RAPGEF2: variants seen among roughly 807,000 people sequenced by gnomAD.
The protein encoded by RAPGEF2 is Rap guanine nucleotide exchange factor 2, also known as PDZ domain containing guanine nucleotide exchange factor (GEF) 1.
In RAPGEF2, 54 loss-of-function variants were observed where a neutral mutation model predicts 186.7. The ratio of observed to expected loss-of-function variants is 0.29; its 90% CI spans 0.23 to 0.36. The LOEUF (loss-of-function observed/expected upper bound fraction) is 0.36. Among genes scored for constraint, RAPGEF2 ranks in the 10% least tolerant of loss-of-function variants. RAPGEF2 has a pLI of 1.00. For missense variants in RAPGEF2, 1,532 were observed against 2,045.0 expected (o/e 0.75, Z 4.84); for synonymous variants, 712 against 705.9 (o/e 1.01, Z -0.14).
intron 8 of RAPGEF2, among the ~76,000 whole-genome samples, chr4:159,311,684 A>G (rs1312102104): frequency 2.0e-5 from 3 of 152,188 alleles, no homozygotes; most frequent in Non-Finnish European, 4.4e-5. Flanking sequence ...CACACAGTAA[A>G]TACTACATTC....
intron 3 of RAPGEF2, among the ~76,000 whole-genome samples, chr4:159,203,736 C>A (rs1441761646): frequency 6.6e-6 from 1 of 152,106 alleles, no homozygotes; most frequent in African/African-American, 2.4e-5. Context: ...TAGGTTGGTC[C>A]TTTCAGAGAC....
intron 1 of RAPGEF2, among the ~76,000 whole-genome samples, chr4:159,164,384 TTGAA>T (rs1454286599): frequency 1.3e-5 from 2 of 151,792 alleles, no homozygotes; most frequent in African/African-American, 2.4e-5. Context: ...AAGAACAAAT[TTGAA>T]TGAATGAGAG....
At chr4:159,160,839 C>T (rs1744636587) in intron 1 of RAPGEF2, among the ~76,000 whole-genome samples, 1 of 152,070 alleles carries the variant, frequency 6.6e-6, no homozygotes, top group African/African-American at 2.4e-5. Flanking sequence ...AGGAAATCAT[C>T]TTAAAGTGGA....
At chr4:159,296,115 A>G (rs1168850361) in intron 7 of RAPGEF2, among the ~76,000 whole-genome samples, 1 of 152,206 alleles carries the variant, frequency 6.6e-6, no homozygotes, top group East Asian at 1.9e-4. Context: ...AACCTTGTAA[A>G]GATTAATTTA....
intron 7 of RAPGEF2, chr4:159,268,108 A>C: frequency 6.3e-7 from 1 of 1,597,260 alleles, no homozygotes; most frequent in Non-Finnish European, 8.5e-7. Context: ...CCATCGTGAG[A>C]GATTGGTACA....
intron 4 of RAPGEF2, 92 bp downstream of exon 4, chr4:159,210,675 C>A: frequency 1.1e-6 from 1 of 931,842 alleles, no homozygotes; most frequent in South Asian, 1.6e-5. Flanking sequence ...TTCCTGTGTT[C>A]TCTTCTGCTG....
At chr4:159,188,093 A>C (rs1459163163) in intron 2 of RAPGEF2, among the ~76,000 whole-genome samples, 1 of 152,200 alleles carries the variant, frequency 6.6e-6, no homozygotes, top group Non-Finnish European at 1.5e-5. Flanking sequence ...GAGCAAGAAT[A>C]ATTTTTAAAG....
rs1217726913 is a variant in RAPGEF2, at chr4:159,175,660, G to T, written c.70-10982G>T. Reference sequence around the variant, plus strand: ...CCCCCATCTCTGTGTTGACTCACTTGCGAGACCGGCGACTGCTTTTGGGTT... The same window carrying T: ...CCCCCATCTCTGTGTTGACTCACTTTCGAGACCGGCGACTGCTTTTGGGTT... On this transcript the variant is annotated intron_variant, in intron 1 of 29. Coordinates refer to ENST00000691494, the MANE Select transcript of RAPGEF2 (RefSeq NM_001394067.2). 2.6e-5 allele frequency among the ~76,000 whole-genome samples: 4 copies of T among 152,268 alleles called. No homozygotes were observed. The East Asian group carries it at 7.7e-4, about 29-fold the overall frequency.
At chr4:159,165,653 C>A (rs190081285) in intron 1 of RAPGEF2, among the ~76,000 whole-genome samples, 1 of 152,032 alleles carries the variant, frequency 6.6e-6, no homozygotes, top group African/African-American at 2.4e-5. Context: ...GGTCTCAATC[C>A]GTTGACCAGG....
In RAPGEF2 at chr4:159,351,094, G is replaced by A. The variant is rs961741583; in HGVS notation, c.3865+805G>A. 1.4e-5 allele frequency: 22 copies of A among 1,534,412 alleles called. No individual in the cohort carries two copies. In the African/African-American group the frequency reaches 1.5e-4, roughly 11 times the overall value. On this transcript the variant is annotated intron_variant, in intron 26 of 29. Coordinates refer to ENST00000691494, the MANE Select transcript of RAPGEF2 (RefSeq NM_001394067.2). ...CAATCAGCTGAGATCTTTTGGCTCCGGGCAGTTGGACTTAACCAGTTCCTC... is the reference window on the plus strand; with the variant it reads ...CAATCAGCTGAGATCTTTTGGCTCCAGGCAGTTGGACTTAACCAGTTCCTC...
At chr4:159,147,892 A>G (rs1743113960) in intron 1 of RAPGEF2, among the ~76,000 whole-genome samples, 2 of 152,238 alleles carry the variant, frequency 1.3e-5, no homozygotes, top group South Asian at 2.1e-4. Flanking sequence ...AAAAGCAAAG[A>G]AAGAGTTTTT....
At chr4:159,132,102 T>G (rs1741176785) in intron 1 of RAPGEF2, among the ~76,000 whole-genome samples, 1 of 152,224 alleles carries the variant, frequency 6.6e-6, no homozygotes, top group African/African-American at 2.4e-5. Context: ...ACTTTGTTAT[T>G]GGACCACACT....
At chr4:159,174,061 G>A (rs1746195455) in intron 1 of RAPGEF2, among the ~76,000 whole-genome samples, 1 of 152,198 alleles carries the variant, frequency 6.6e-6, no homozygotes, top group African/African-American at 2.4e-5. Context: ...ATTGCGAACT[G>A]ATTTTGGACA....
chr4:159,179,750 C>T (rs552501943), intron 1 of RAPGEF2, among the ~76,000 whole-genome samples: 1 of 152,224 alleles, frequency 6.6e-6, no homozygotes, highest in South Asian at 2.1e-4. Flanking sequence ...GGGGGTAGCT[C>T]CTGGGCAGGG....
At chr4:159,310,225 A>G (rs528947409) in intron 8 of RAPGEF2, among the ~76,000 whole-genome samples, 40 of 152,294 alleles carry the variant, frequency 2.6e-4, no homozygotes, top group African/African-American at 9.1e-4. Context: ...CTGCCTATCA[A>G]ATTAGCACAG....
intron 22 of RAPGEF2, 38 bp from the exon 23 acceptor site, chr4:159,343,998 T>A: frequency 6.6e-7 from 1 of 1,524,000 alleles, no homozygotes; most frequent in South Asian, 1.1e-5. Context: ...TCTCTCTTTC[T>A]ACACCCATGC....
chr4:159,296,698 A>G (rs926300410), intron 7 of RAPGEF2, among the ~76,000 whole-genome samples: 30 of 152,248 alleles, frequency 2.0e-4, no homozygotes, highest in Non-Finnish European at 7.3e-5. Context: ...GGCCTGTCAC[A>G]TAGTAACTGG....
chr4:159,231,180 G>A (rs1279354110), intron 4 of RAPGEF2, among the ~76,000 whole-genome samples: 1 of 152,010 alleles, frequency 6.6e-6, no homozygotes, highest in Non-Finnish European at 1.5e-5. Context: ...CATTCTTTAT[G>A]GGTTTGTAGC....
intron 1 of RAPGEF2, among the ~76,000 whole-genome samples, chr4:159,160,399 AG>A (rs1472726540): frequency 7.2e-5 from 11 of 152,242 alleles, no homozygotes; most frequent in African/African-American, 2.7e-4. Flanking sequence ...ACTTTGCCTA[AG>A]GTCATACATT....
Sources: gnomAD v4.1 joint callset for allele counts (sites outside exome capture counted in the v4.1 genomes callset) on GRCh38, gnomAD v4.1.1 for gene constraint, MANE v1.5 for transcripts, NCBI Gene and HGNC (gene_info 2026-07-23, HGNC 2026-07-21) for gene names.